ZFP91: variants seen among roughly 807,000 people sequenced by gnomAD.
ZFP91 encodes E3 ubiquitin-protein ligase ZFP91.
ZFP91 carries 7 observed loss-of-function variants against 63.5 expected under a neutral mutation model. That is an observed-to-expected ratio of 0.11 (90% CI 0.06 to 0.21). The LOEUF (loss-of-function observed/expected upper bound fraction) is 0.21. Ranked by LOEUF, ZFP91 falls within the 10% of genes least tolerant of loss-of-function variation. The pLI is 1.00. For missense variants in ZFP91, 628 were observed against 736.6 expected, an observed-to-expected ratio of 0.85 and a Z score of 1.71; for synonymous variants, 330 against 272.1, an observed-to-expected ratio of 1.21 and a Z score of -2.10.
intron 2 of ZFP91, among the ~76,000 whole-genome samples, chr11:58,592,259 AT>A (rs1300071027): frequency 4.0e-5 from 6 of 150,776 alleles, no homozygotes; most frequent in African/African-American, 7.3e-5. Flanking sequence ...AATTTTTTGT[AT>A]TTTTTTAGTA....
chr11:58,594,239 G>GT (rs1480022077), intron 2 of ZFP91, among the ~76,000 whole-genome samples: 1 of 152,140 alleles, frequency 6.6e-6, no homozygotes, highest in African/African-American at 2.4e-5. Flanking sequence ...CTGCAGTCAT[G>GT]TTTATCTTCT....
chr11:58,590,311 G>C (rs1211910009), intron 2 of ZFP91, among the ~76,000 whole-genome samples: 2 of 152,136 alleles, frequency 1.3e-5, no homozygotes, highest in African/African-American at 4.8e-5. Flanking sequence ...AATGCTATCC[G>C]GGCAAAGGCT....
chr11:58,618,620 GGA>G lies in ZFP91; in HGVS notation c.*923_*924del, dbSNP rs1411662117. On this transcript the variant is annotated 3_prime_UTR_variant, in exon 11 of 11. Transcript: ENST00000316059. ...TTTGTTGCTATATTTTGTGGGGCTG[GGA>G]GAGAGAGATTAGATTATTTTGACAT... 1.1e-5 allele frequency: 5 copies of G among 452,906 alleles called. No individual in the cohort carries two copies. In the East Asian group the frequency reaches 2.8e-4, roughly 25 times the overall value. 28.1% of individuals were successfully genotyped at this position (452,906 alleles called of 1,614,324 possible). A position where few individuals can be genotyped will look rare whatever the true frequency, so the allele number is the denominator to read the frequency against.
In ZFP91 at chr11:58,617,094, G is replaced by GTGTGTGTGTGTGTGTA; in HGVS notation, c.1203-97_1203-96insGTGTGTGTGTATGTGT. On this transcript the variant is annotated intron_variant, in intron 10 of 10. Coordinates refer to ENST00000316059, the MANE Select transcript of ZFP91 (RefSeq NM_053023.5). This position sits in a 1 kb window ranked among gnomAD's most constrained non-coding sequence, Gnocchi z 4.2. ...ATTGTGTGTGTGTGTGTGTGTGTGTGTGTGTATGTATATATATGCTCTAAA... is the reference window on the plus strand; with the variant it reads ...ATTGTGTGTGTGTGTGTGTGTGTGTGTGTGTGTGTGTGTGTATGTGTATGTATATATATGCTCTAAA... 1 of 1,006,796 alleles carries GTGTGTGTGTGTGTGTA rather than the reference G, an allele frequency of 9.9e-7. No homozygotes were observed. Among genetic ancestry groups the GTGTGTGTGTGTGTGTA allele is most frequent in the East Asian group, 2.5e-5 (1 of 40,658 alleles). The allele number at this position is 1,006,796 out of a possible 1,614,324, so 62.4% of individuals were successfully genotyped here. A position where few individuals can be genotyped will look rare whatever the true frequency, so the allele number is the denominator to read the frequency against.
intron 2 of ZFP91, among the ~76,000 whole-genome samples, chr11:58,605,633 G>C (rs1041934418): frequency 6.6e-6 from 1 of 151,710 alleles, no homozygotes; most frequent in Admixed American, 6.6e-5. Context: ...ATGAGCGGCT[G>C]TTAATCTTGT....
chr11:58,605,042 T>C (rs996105276), intron 2 of ZFP91, among the ~76,000 whole-genome samples: 2 of 152,252 alleles, frequency 1.3e-5, no homozygotes, highest in African/African-American at 4.8e-5. Context: ...TGTATTTCCT[T>C]GTGTTGCAGA....
chr11:58,616,938 A>G lies in ZFP91; in HGVS notation c.1202+123A>G, dbSNP rs374776954. The G allele has an allele frequency of 1.5e-5, 15 of 985,350 alleles. No homozygotes were observed. The East Asian group carries it at 1.8e-4, about 12-fold the overall frequency. The allele number at this position is 985,350 out of a possible 1,614,324, so 61.0% of individuals were successfully genotyped here. ...ACTTTCATCAAATAAATGAGTGGATATTGATTGGGGGCATTAGTTAGTAGC... is the reference window on the plus strand; with the variant it reads ...ACTTTCATCAAATAAATGAGTGGATGTTGATTGGGGGCATTAGTTAGTAGC... On this transcript the variant is annotated intron_variant, in intron 10 of 10. Transcript: ENST00000316059.
chr11:58,585,965 T>G (rs1042859656), intron 2 of ZFP91, among the ~76,000 whole-genome samples: 36 of 152,194 alleles, frequency 2.4e-4, no homozygotes, highest in African/African-American at 6.0e-4. Flanking sequence ...TTTCATAGTA[T>G]AGCAGGCAGA....
intron 2 of ZFP91, among the ~76,000 whole-genome samples, chr11:58,597,789 A>G (rs961152486): frequency 6.6e-6 from 1 of 152,184 alleles, no homozygotes; most frequent in South Asian, 2.1e-4. Flanking sequence ...TTATCTTAAA[A>G]TGGTGAGCAA....
At position 58,609,865 on chromosome 11, in the gene ZFP91, G is replaced by C. The variant is rs1263640620; in HGVS notation, c.406G>C (p.Ala136Pro). ...KEEKEEEDDS[A>P]LPQEVSIAAS... ...AGAAAAAGAGGAAGAAGACGATTCT[G>C]CCCTCCCTCAGGAAGTTTCCATTGC... is the stretch of plus-strand genomic sequence containing the variant. The change falls in exon 3 of 11, where the codon GCC becomes CCC. Residue 136 changes from alanine (A) to proline (P), a missense_variant. Ala to Pro is a conservative substitution (Grantham distance 27). Transcript: ENST00000316059. 1 of 1,614,166 alleles carries C rather than the reference G, an allele frequency of 6.2e-7. No individual in the cohort carries two copies. Among genetic ancestry groups the C allele is most frequent in the African/African-American group, 1.3e-5 (1 of 75,036 alleles).
At chr11:58,610,140 G>A in intron 3 of ZFP91, 101 bp downstream of exon 3, 2 of 1,457,060 alleles carry the variant, frequency 1.4e-6, no homozygotes, top group Non-Finnish European at 1.9e-6. Flanking sequence ...TCAGGGGCAG[G>A]TTTGATGGTG....
chr11:58,605,213 C>A (rs2134412522), intron 2 of ZFP91, among the ~76,000 whole-genome samples: 1 of 152,234 alleles, frequency 6.6e-6, no homozygotes, highest in African/African-American at 2.4e-5. Flanking sequence ...CTGTGCCTCA[C>A]CATTTATGTT....
rs1203626641 is a variant in ZFP91 at position 58,619,894 on chromosome 11, T to A, written c.*2188T>A. 1 of 152,222 alleles carries A rather than the reference T, an allele frequency of 6.6e-6. No individual in the cohort carries two copies. The highest frequency in any genetic ancestry group is 6.5e-5 in the Admixed American group (1 of 15,268). 9.4% of individuals were successfully genotyped at this position (152,222 alleles called of 1,614,324 possible). ...GTCCCTTTTACACTTTTTGACTAAC[T>A]AGCATCTATATTCCACACTTAGCTT... is the stretch of plus-strand genomic sequence containing the variant. On this transcript the variant is annotated 3_prime_UTR_variant, in exon 11 of 11. Coordinates refer to ENST00000316059, the MANE Select transcript of ZFP91 (RefSeq NM_053023.5).
At chr11:58,603,625 G>A (rs1332724384) in intron 2 of ZFP91, among the ~76,000 whole-genome samples, 1 of 152,358 alleles carries the variant, frequency 6.6e-6, no homozygotes, top group African/African-American at 2.4e-5. Flanking sequence ...ATGATGCTGA[G>A]GGTAGAGCTG....
intron 2 of ZFP91, among the ~76,000 whole-genome samples, chr11:58,589,022 A>T (rs1340554717): frequency 6.6e-6 from 1 of 152,196 alleles, no homozygotes; most frequent in Non-Finnish European, 1.5e-5. Flanking sequence ...TCTGTAGGTG[A>T]GAAAGGGCGT....
rs1855795367 is a variant in ZFP91, at chr11:58,618,679, C to G, written c.*973C>G. The G allele has an allele frequency of 2.2e-6, 1 of 456,484 alleles. No individual in the cohort carries two copies. The highest frequency in any genetic ancestry group is 4.4e-6 in the Non-Finnish European group (1 of 226,954). 28.3% of individuals were successfully genotyped at this position (456,484 alleles called of 1,614,324 possible). A position where few individuals can be genotyped will look rare whatever the true frequency, so the allele number is the denominator to read the frequency against. On this transcript the variant is annotated 3_prime_UTR_variant, in exon 11 of 11. Coordinates refer to ENST00000316059, the MANE Select transcript of ZFP91 (RefSeq NM_053023.5). Reference sequence around the variant, plus strand: ...CCTTCCATAACAGGTACTTTGAAGGCAAGACATAGGGTTGAAGAAGCACAG... The same window carrying G: ...CCTTCCATAACAGGTACTTTGAAGGGAAGACATAGGGTTGAAGAAGCACAG...
At position 58,618,459 on chromosome 11, in the gene ZFP91, T is replaced by A; in HGVS notation, c.*753T>A. ...AGTCTCTTTGACTGTAAGACAGGGC[T>A]CTGTATCAGTGAGACGATGAGAAAA... On this transcript the variant is annotated 3_prime_UTR_variant, in exon 11 of 11. Transcript: ENST00000316059. The A allele has an allele frequency of 2.8e-6, 1 of 356,330 alleles. No individual in the cohort carries two copies. Among genetic ancestry groups the A allele is most frequent in the South Asian group, 2.2e-5 (1 of 45,214 alleles). 22.1% of individuals were successfully genotyped at this position (356,330 alleles called of 1,614,324 possible). A position where few individuals can be genotyped will look rare whatever the true frequency, so the allele number is the denominator to read the frequency against.
In ZFP91 at chr11:58,610,946, TTAG is replaced by T; in HGVS notation, c.619_621del. 1.9e-6 allele frequency: 3 copies of T among 1,609,562 alleles called. No homozygotes were observed. The highest frequency in any genetic ancestry group is 3.3e-5 in the Admixed American group (2 of 59,918). On this transcript the variant is annotated splice_acceptor_variant and splice_polypyrimidine_tract_variant and intron_variant, in intron 4 of 10. Coordinates refer to ENST00000316059, the MANE Select transcript of ZFP91 (RefSeq NM_053023.5). LOFTEE classifies it high-confidence loss of function. Reference sequence around the variant, plus strand: ...ATGTCTCATTTCTATTTACTTATTTTTAGTAGTGAAGAGGAAGAGGAGGAGGAA... The same window carrying T: ...ATGTCTCATTTCTATTTACTTATTTTTAGTGAAGAGGAAGAGGAGGAGGAA...
chr11:58,579,654 AC>A, intron 1 of ZFP91, 32 bp downstream of exon 1: 2 of 1,499,054 alleles, frequency 1.3e-6, no homozygotes, highest in Non-Finnish European at 8.8e-7. Flanking sequence ...GGTGGGAAAG[AC>A]CCCCCTCTGT....
Sources: allele counts gnomAD v4.1 joint callset (sites outside exome capture counted in the v4.1 genomes callset), GRCh38; gene constraint gnomAD v4.1.1; non-coding constraint Gnocchi (gnomAD v3.1); transcripts MANE v1.5; gene names NCBI Gene and HGNC (gene_info 2026-07-23, HGNC 2026-07-21).